MSI2: variants seen among roughly 807,000 people sequenced by gnomAD.
The protein encoded by MSI2 is musashi RNA binding protein 2.
Under a neutral mutation model 45.6 loss-of-function variants are expected in MSI2, and 17 were observed. The observed-to-expected ratio is 0.37, with a 90% CI of 0.26 to 0.56. MSI2 has a LOEUF of 0.56. Ranked by LOEUF, MSI2 falls within the 20% of genes least tolerant of loss-of-function variation. The pLI, the probability that MSI2 is intolerant of heterozygous loss-of-function variation, is 0.77. For missense variants in MSI2, 293 were observed against 444.2 expected (o/e 0.66, Z 3.06); for synonymous variants, 156 against 158.2 (o/e 0.99, Z 0.11).
chr17:57,661,246 C>T (rs140062580), intron 11 of MSI2, among the ~76,000 whole-genome samples: 2 of 152,150 alleles, frequency 1.3e-5, no homozygotes, highest in East Asian at 3.9e-4. Context: ...AGTACACAAC[C>T]GATGTGAGAG....
At chr17:57,612,639 C>A (rs12936732) in intron 8 of MSI2, among the ~76,000 whole-genome samples, 50,827 of 151,686 alleles carry the variant, frequency 0.34, 10,202 homozygotes, top group Non-Finnish European at 0.46. Flanking sequence ...AAAGACAGAG[C>A]AGAATTAAAC....
At chr17:57,473,365 TC>T (rs1329212106) in intron 6 of MSI2, among the ~76,000 whole-genome samples, 3 of 152,174 alleles carry the variant, frequency 2.0e-5, no homozygotes, top group African/African-American at 7.2e-5. Context: ...TATAACTCAT[TC>T]CCCAAAGAGA....
At chr17:57,339,964 C>T (rs920915159) in intron 5 of MSI2, among the ~76,000 whole-genome samples, 4 of 152,172 alleles carry the variant, frequency 2.6e-5, no homozygotes, top group Non-Finnish European at 5.9e-5. Flanking sequence ...ATGGAACTGA[C>T]TGCTATAAAG....
At chr17:57,590,716 G>C (rs763470177) in intron 7 of MSI2, among the ~76,000 whole-genome samples, 22 of 152,134 alleles carry the variant, frequency 1.4e-4, no homozygotes, top group Non-Finnish European at 3.1e-4. Context: ...TTGGAAGTGT[G>C]GGGTGCAGTT....
intron 6 of MSI2, among the ~76,000 whole-genome samples, chr17:57,494,098 A>T (rs1277466780): frequency 6.6e-6 from 1 of 152,206 alleles, no homozygotes; most frequent in African/African-American, 2.4e-5. Context: ...GCGATAAGGC[A>T]GTGAGGGTTA....
chr17:57,289,259 C>T (rs1409473992), intron 5 of MSI2, among the ~76,000 whole-genome samples: 1 of 152,150 alleles, frequency 6.6e-6, no homozygotes. Context: ...GACGTTTCCA[C>T]CCAGGCCAGC....
chr17:57,333,121 G>A lies in MSI2; in HGVS notation c.313-68258G>A, dbSNP rs1022225165. Reference sequence around the variant, plus strand: ...TTTAGTGGCTGTGTGACCTGGAAAAGTTGCTAAACCTCTTTGTTCCTCAGT... The same window carrying A: ...TTTAGTGGCTGTGTGACCTGGAAAAATTGCTAAACCTCTTTGTTCCTCAGT... On this transcript the variant is annotated intron_variant, in intron 5 of 13. Coordinates refer to ENST00000284073, the MANE Select transcript of MSI2 (RefSeq NM_138962.4). 3.3e-5 allele frequency among the ~76,000 whole-genome samples: 5 copies of A among 152,204 alleles called. No individual in the cohort carries two copies. In the East Asian group the frequency reaches 7.7e-4, roughly 24 times the overall value.
chr17:57,361,760 G>A (rs1307443560), intron 5 of MSI2, among the ~76,000 whole-genome samples: 4 of 152,196 alleles, frequency 2.6e-5, no homozygotes, highest in Admixed American at 1.3e-4. Flanking sequence ...TGCTGTCTCA[G>A]GGGTGCAGAG....
chr17:57,674,618 C>G (rs1439277561), intron 11 of MSI2, among the ~76,000 whole-genome samples: 2 of 152,160 alleles, frequency 1.3e-5, no homozygotes, highest in Non-Finnish European at 2.9e-5. Context: ...CTCTCTCTCT[C>G]TCTCTCTTCC....
rs1485577137 is a variant in MSI2, at chr17:57,341,714, G to A, written c.313-59665G>A. Reference sequence around the variant, plus strand: ...ACCTTAGTGTGTTTTTTCTTTTCTTGCTTTATTTTTTTTGGATAACGGCAA... The same window carrying A: ...ACCTTAGTGTGTTTTTTCTTTTCTTACTTTATTTTTTTTGGATAACGGCAA... On this transcript the variant is annotated intron_variant, in intron 5 of 13. Transcript: ENST00000284073. Among the ~76,000 whole-genome samples, 3 of 152,026 alleles carry A rather than the reference G, an allele frequency of 2.0e-5. No homozygotes were observed. In the East Asian group the frequency reaches 5.8e-4, roughly 29 times the overall value.
At chr17:57,285,438 C>T (rs1013959353) in intron 5 of MSI2, among the ~76,000 whole-genome samples, 3 of 152,212 alleles carry the variant, frequency 2.0e-5, no homozygotes, top group South Asian at 2.1e-4. Context: ...GGCCAACTTG[C>T]GGTTTTCCAT....
At chr17:57,693,551 G>C in the MSI2 span, among the ~76,000 whole-genome samples, 1 of 152,164 alleles carries the variant, frequency 6.6e-6, no homozygotes, top group African/African-American at 2.4e-5. Context: ...TAGCATTTCT[G>C]TTTGACTCTT....
At chr17:57,633,659 C>T (rs1567950624) in intron 10 of MSI2, among the ~76,000 whole-genome samples, 1 of 152,168 alleles carries the variant, frequency 6.6e-6, no homozygotes, top group Non-Finnish European at 1.5e-5. Context: ...ACCTGGTTTC[C>T]AGGTCCCACT....
intron 7 of MSI2, among the ~76,000 whole-genome samples, chr17:57,566,253 AT>A (rs1393357807): frequency 6.6e-6 from 1 of 152,212 alleles, no homozygotes; most frequent in Admixed American, 6.5e-5. Flanking sequence ...AGAGTAATAC[AT>A]ACTTGAGGCT....
At chr17:57,650,829 C>T (rs1334128447) in intron 10 of MSI2, among the ~76,000 whole-genome samples, 1 of 152,128 alleles carries the variant, frequency 6.6e-6, no homozygotes, top group Non-Finnish European at 1.5e-5. Flanking sequence ...TTTGGGGGAG[C>T]TTTGTCTCTG....
rs990957387 is a variant in MSI2 at position 57,684,314 on chromosome 17, G to A, written c.*4797G>A. The A allele has an allele frequency of 1.0e-5, 2 of 194,546 alleles. No homozygotes were observed. The highest frequency in any genetic ancestry group is 4.6e-5 in the African/African-American group (2 of 43,068). The allele number at this position is 194,546 out of a possible 1,614,324, so 12.1% of individuals were successfully genotyped here. ...GGATGCAAGTCTAAGCGTTTCATGT[G>A]GACATAAATGTATCTAAATAAAACT... On this transcript the variant is annotated 3_prime_UTR_variant, in exon 14 of 14. Coordinates refer to ENST00000284073, the MANE Select transcript of MSI2 (RefSeq NM_138962.4).
intron 7 of MSI2, among the ~76,000 whole-genome samples, chr17:57,569,918 GT>G (rs1195961219): frequency 6.6e-6 from 1 of 152,178 alleles, no homozygotes; most frequent in East Asian, 1.9e-4. Context: ...GGGCCTCTGA[GT>G]GCATCTGCCA....
intron 9 of MSI2, among the ~76,000 whole-genome samples, chr17:57,622,798 A>C (rs375599218): frequency 6.4e-4 from 97 of 152,350 alleles, no homozygotes; most frequent in African/African-American, 2.3e-3. Flanking sequence ...TTTCCCAAAA[A>C]TATCTGTTTA....
intron 5 of MSI2, among the ~76,000 whole-genome samples, chr17:57,288,903 AC>A: frequency 6.6e-6 from 1 of 152,196 alleles, no homozygotes; most frequent in Non-Finnish European, 1.5e-5. Context: ...CCCGGCCTCT[AC>A]CCACTAGATG....
Sources: gnomAD v4.1 joint callset for allele counts (sites outside exome capture counted in the v4.1 genomes callset) on GRCh38, gnomAD v4.1.1 for gene constraint, MANE v1.5 for transcripts, NCBI Gene and HGNC (gene_info 2026-07-23, HGNC 2026-07-21) for gene names.